The following UNC13B variants were observed in gnomAD, a reference collection of about 807,000 sequenced individuals.
The protein encoded by UNC13B is unc-13 homolog B.
In UNC13B, 144 loss-of-function variants were observed where a neutral mutation model predicts 211.0. The observed-to-expected ratio is 0.68, with a 90% CI of 0.60 to 0.78. UNC13B has a LOEUF of 0.78. Ranked by LOEUF, UNC13B falls within the 30% of genes least tolerant of loss-of-function variation. The pLI is 0.00. For missense variants in UNC13B, 1,777 were observed against 2,002.0 expected (o/e 0.89, Z 2.14); for synonymous variants, 709 against 725.8 (o/e 0.98, Z 0.37).
rs1826553452 is a variant in UNC13B at position 35,252,433 on chromosome 9, T to C, written c.469-6560T>C. Among the ~76,000 whole-genome samples, 4 of 151,940 alleles carry C rather than the reference T, an allele frequency of 2.6e-5. No individual in the cohort carries two copies. In the South Asian group the frequency reaches 8.3e-4, roughly 32 times the overall value. On this transcript the variant is annotated intron_variant, in intron 6 of 39. Transcript: ENST00000635942. ...CTCCTGAGTTCCTCAGCCTCCTGAG[T>C]AGCTGAGATTACAGGCGTGCACTAC...
At chr9:35,291,221 T>C in intron 7 of UNC13B, 1 of 985,256 alleles carries the variant, frequency 1.0e-6, no homozygotes, top group Non-Finnish European at 1.5e-6. Flanking sequence ...TCTCCTCTCC[T>C]ACTTAAATAT....
chr9:35,220,479 A>G (rs1269400223), intron 1 of UNC13B, among the ~76,000 whole-genome samples: 1 of 151,504 alleles, frequency 6.6e-6, no homozygotes, highest in Non-Finnish European at 1.5e-5. Flanking sequence ...TACTGTTTCC[A>G]TGAGTTCAAT....
rs1222842245 is a variant in UNC13B at position 35,302,331 on chromosome 9, A to G, written c.2927A>G (p.Asp976Gly). 1 of 398,504 alleles carries G rather than the reference A, an allele frequency of 2.5e-6. No individual in the cohort carries two copies. The allele number at this position is 398,504 out of a possible 1,614,324, so 24.7% of individuals were successfully genotyped here. The change falls in exon 9 of 40, where the codon GAT becomes GGT. Residue 976 changes from aspartate (D) to glycine (G), a missense_variant. By Grantham distance (94) the Asp-to-Gly change is moderately conservative. Transcript: ENST00000635942. Reference protein sequence around the residue: ...IKSSSVPNIHDDLEKFDSIKE... With the variant: ...IKSSSVPNIHGDLEKFDSIKE... The stretch of plus-strand genomic sequence containing the variant: ...TCTAGTTCAGTTCCAAATATTCATG[A>G]TGATCTAGAGAAGTTTGACAGTATA...
chr9:35,377,327 G>A, intron 15 of UNC13B, 141 bp from the exon 16 acceptor site: 1 of 783,722 alleles, frequency 1.3e-6, no homozygotes, highest in Non-Finnish European at 2.0e-6. Context: ...AGGTGCCAGA[G>A]GGCCCTTGCT....
At chr9:35,201,910 A>G (rs1268770718) in intron 1 of UNC13B, among the ~76,000 whole-genome samples, 6 of 151,684 alleles carry the variant, frequency 4.0e-5, no homozygotes, top group Non-Finnish European at 8.8e-5. Context: ...TTGCTTCTCT[A>G]GTTCTTTTCA....
chr9:35,376,064 A>C lies in UNC13B; in HGVS notation c.9652A>C (p.Ile3218Leu). 6.2e-7 allele frequency: 1 copy of C among 1,614,228 alleles called. No individual in the cohort carries two copies. Among genetic ancestry groups the C allele is most frequent in the Non-Finnish European group, 8.5e-7 (1 of 1,180,044 alleles). ...HVYKKTLQAL[I>L]YPISCTTPHN... Reference sequence around the variant, plus strand: ...GTATAAGAAAACCCTGCAGGCCTTAATCTACCCCATTTCGTGCACCACTCC... The same window carrying C: ...GTATAAGAAAACCCTGCAGGCCTTACTCTACCCCATTTCGTGCACCACTCC... The change falls in exon 15 of 40, where the codon ATC (isoleucine) becomes CTC (leucine). Residue 3218 changes from isoleucine to leucine, a missense_variant. Ile to Leu is a conservative substitution (Grantham distance 5). Transcript: ENST00000635942.
intron 6 of UNC13B, among the ~76,000 whole-genome samples, chr9:35,248,120 A>T (rs1431866718): frequency 6.6e-6 from 1 of 152,156 alleles, no homozygotes; most frequent in Non-Finnish European, 1.5e-5. Flanking sequence ...CTTTTCTTCT[A>T]GATTTTCTAG....
At chr9:35,401,850 A>C in intron 37 of UNC13B, 53 of 1,115,738 alleles carry the variant, frequency 4.8e-5, no homozygotes, top group Non-Finnish European at 6.4e-5. Context: ...GAATATGTGT[A>C]GAGCTGCTTT....
intron 15 of UNC13B, among the ~76,000 whole-genome samples, chr9:35,376,580 A>C (rs926415103): frequency 6.6e-6 from 1 of 152,234 alleles, no homozygotes; most frequent in African/African-American, 2.4e-5. Flanking sequence ...TGACAAAAGC[A>C]TCAGGATCTG....
rs1160474466 is a variant in UNC13B at position 35,257,580 on chromosome 9, C to CAAAAAAAAA, written c.469-1391_469-1383dup. Among the ~76,000 whole-genome samples the CAAAAAAAAA allele has an allele frequency of 1.0e-3, 37 of 36,390 alleles. 6 individuals are homozygous for CAAAAAAAAA. Among genetic ancestry groups the CAAAAAAAAA allele is most frequent in the African/African-American group, 5.2e-3 (33 of 6,352 alleles). 23.9% of individuals were successfully genotyped at this position (36,390 alleles called of 152,430 possible). ...TGGGAGAAAGAGTGAGAATCTGTAT[C>CAAAAAAAAA]AAAAAAAAAAAAAAAAAAAAAAAAA... is the stretch of plus-strand genomic sequence containing the variant. On this transcript the variant is annotated intron_variant, in intron 6 of 39. Coordinates refer to ENST00000635942, the MANE Select transcript of UNC13B (RefSeq NM_001371189.2).
At chr9:35,212,094 A>G (rs1251056894) in intron 1 of UNC13B, among the ~76,000 whole-genome samples, 1 of 152,238 alleles carries the variant, frequency 6.6e-6, no homozygotes, top group African/African-American at 2.4e-5. Flanking sequence ...TTGGATAAAA[A>G]TATCTGAGCT....
rs192120279 is a variant in UNC13B, at chr9:35,392,721, A to G, written c.11308+2007A>G. 2.6e-5 allele frequency among the ~76,000 whole-genome samples: 4 copies of G among 152,166 alleles called. No homozygotes were observed. The East Asian group carries it at 7.7e-4, about 29-fold the overall frequency. On this transcript the variant is annotated intron_variant, in intron 26 of 39. Coordinates refer to ENST00000635942, the MANE Select transcript of UNC13B (RefSeq NM_001371189.2). ...GACAAGTTAGTGGGTGCAGTGCACCAGCATGGCACATGTATACATATGTAA... is the reference window on the plus strand; with the variant it reads ...GACAAGTTAGTGGGTGCAGTGCACCGGCATGGCACATGTATACATATGTAA...
In UNC13B at chr9:35,310,479, C is replaced by T. The variant is rs535926372; in HGVS notation, c.9021C>T (p.Ser3007=). The T allele has an allele frequency of 1.2e-5, 19 of 1,613,044 alleles. No individual in the cohort carries two copies. Among genetic ancestry groups the T allele is most frequent in the Middle Eastern group, 3.3e-4 (2 of 6,054 alleles). The change falls in exon 10 of 40, where the codon AGC becomes AGT. Residue 3007 remains serine (S), a synonymous_variant. Coordinates refer to ENST00000635942, the MANE Select transcript of UNC13B (RefSeq NM_001371189.2). ...GTCATTCTCACAGCCCCACCAGCAG[C>T]AGTAGGTATGGCTCCTCCTGTAATG... ...EPMTNKSPTS[S]SRYGSSCNVS... is the part of the protein sequence containing the mutation.
intron 1 of UNC13B, among the ~76,000 whole-genome samples, chr9:35,211,056 G>A (rs1180498261): frequency 6.6e-6 from 1 of 152,102 alleles, no homozygotes; most frequent in Non-Finnish European, 1.5e-5. Flanking sequence ...ATTGTTTTTG[G>A]CAGTTTTGTG....
At chr9:35,401,966 G>T (rs1227815775) in intron 37 of UNC13B, 1 of 1,550,762 alleles carries the variant, frequency 6.4e-7, no homozygotes, top group Non-Finnish European at 8.7e-7. Flanking sequence ...GATGGGAAAG[G>T]TATTAGATTT....
intron 10 of UNC13B, among the ~76,000 whole-genome samples, chr9:35,312,135 G>A (rs919514540): frequency 2.6e-4 from 39 of 152,220 alleles, no homozygotes; most frequent in African/African-American, 8.9e-4. Flanking sequence ...GTTGCCCACT[G>A]GGGTAGAGTG....
chr9:35,259,073 A>G (rs778599337), intron 7 of UNC13B, 23 bp downstream of exon 7: 37 of 1,612,002 alleles, frequency 2.3e-5, no homozygotes, highest in Non-Finnish European at 3.1e-5. Flanking sequence ...CTTGTCTATG[A>G]ATCTCTTTTA....
At position 35,201,064 on chromosome 9, in the gene UNC13B, G is replaced by A. The variant is rs571549381; in HGVS notation, c.23-26951G>A. 7.0e-3 allele frequency among the ~76,000 whole-genome samples: 1,062 copies of A among 152,100 alleles called. 4 individuals carry two copies. The highest frequency in any genetic ancestry group is 0.011 in the Non-Finnish European group (735 of 68,000). On this transcript the variant is annotated intron_variant, in intron 1 of 39. Coordinates refer to ENST00000635942, the MANE Select transcript of UNC13B (RefSeq NM_001371189.2). Reference sequence around the variant, plus strand: ...GCATGACGGGCTGTTGAATTTTGTCGAAGGCCTTTTCTGCATCTATTGAGA... The same window carrying A: ...GCATGACGGGCTGTTGAATTTTGTCAAAGGCCTTTTCTGCATCTATTGAGA...
intron 11 of UNC13B, among the ~76,000 whole-genome samples, chr9:35,333,802 A>T (rs550819842): frequency 5.9e-5 from 9 of 152,264 alleles, no homozygotes; most frequent in African/African-American, 1.9e-4. Context: ...AACCTTTAGG[A>T]GTTGCTGAAG....
Sources: gnomAD v4.1 joint callset for allele counts (sites outside exome capture counted in the v4.1 genomes callset) on GRCh38, gnomAD v4.1.1 for gene constraint, MANE v1.5 for transcripts, NCBI Gene and HGNC (gene_info 2026-07-23, HGNC 2026-07-21) for gene names.